The following APP variants were observed in gnomAD, a reference collection of about 807,000 sequenced individuals.
APP encodes amyloid-beta precursor protein.
In APP, 31 loss-of-function variants were observed where a neutral mutation model predicts 101.4. That is an observed-to-expected ratio of 0.31 (90% CI 0.23 to 0.41). APP has a LOEUF of 0.41. Among genes scored for constraint, APP ranks in the 10% least tolerant of loss-of-function variants. APP has a pLI of 1.00. For synonymous variants in APP, 366 were observed against 364.4 expected (o/e 1.00, Z -0.05); for missense variants, 839 against 1,003.7 (o/e 0.84, Z 2.22).
rs774041188 is a variant in APP at position 25,911,682 on chromosome 21, C to T, written c.1909+59G>A. ...AAGATAACTCTCTCTCTTGCACACA[C>T]GTTATGTATGTGTATATATACCTCC... On this transcript the variant is annotated intron_variant, in intron 14 of 17. Transcript: ENST00000346798. 28 of 1,456,160 alleles carry T rather than the reference C, an allele frequency of 1.9e-5. No homozygotes were observed. Among genetic ancestry groups the T allele is most frequent in the South Asian group, 8.1e-5 (7 of 86,062 alleles). The allele number at this position is 1,456,160 out of a possible 1,614,324, so 90.2% of individuals were successfully genotyped here.
At chr21:26,156,671 T>C (rs1293784824) in intron 1 of APP, among the ~76,000 whole-genome samples, 2 of 152,204 alleles carry the variant, frequency 1.3e-5, no homozygotes, top group Non-Finnish European at 2.9e-5. Flanking sequence ...TTCAGATGTA[T>C]GAAAGCAGAA....
intron 11 of APP, among the ~76,000 whole-genome samples, chr21:25,958,975 T>C (rs1256080964): frequency 6.3e-3 from 1 of 160 alleles, no homozygotes; most frequent in Admixed American, 0.083. Flanking sequence ...ATAGGCTACA[T>C]CCCTGGCCCA....
intron 3 of APP, among the ~76,000 whole-genome samples, chr21:26,078,856 C>T (rs754242806): frequency 6.6e-6 from 1 of 152,076 alleles, no homozygotes; most frequent in Admixed American, 6.6e-5. Flanking sequence ...CCAGCCTGAC[C>T]AACACGGAGA....
chr21:25,915,061 G>A (rs550863141), intron 13 of APP, among the ~76,000 whole-genome samples: 20 of 152,208 alleles, frequency 1.3e-4, no homozygotes, highest in African/African-American at 4.3e-4. Context: ...ATTTTCTACC[G>A]AATTAATTCC....
chr21:25,921,079 C>G (rs111291450), intron 13 of APP, among the ~76,000 whole-genome samples: 6 of 140,056 alleles, frequency 4.3e-5, no homozygotes, highest in African/African-American at 1.1e-4. Flanking sequence ...TAATCTCACT[C>G]AAAGCCGCTC....
chr21:25,897,176 G>C (rs1050831141), intron 16 of APP, among the ~76,000 whole-genome samples: 1 of 151,044 alleles, frequency 6.6e-6, no homozygotes, highest in Non-Finnish European at 1.5e-5. Flanking sequence ...GCCTAGGCAC[G>C]ATCTCAGCTC....
intron 8 of APP, among the ~76,000 whole-genome samples, chr21:25,988,043 G>A (rs1247859809): frequency 6.6e-6 from 1 of 152,136 alleles, no homozygotes; most frequent in African/African-American, 2.4e-5. Context: ...GGGGAGAGGG[G>A]AAAGGTAGAC....
intron 17 of APP, among the ~76,000 whole-genome samples, chr21:25,889,621 A>G (rs1470118274): frequency 6.6e-6 from 1 of 152,214 alleles, no homozygotes; most frequent in Non-Finnish European, 1.5e-5. Context: ...AGGGCGGATC[A>G]CTTGAGGCCA....
intron 6 of APP, among the ~76,000 whole-genome samples, chr21:26,013,811 T>C (rs2043927737): frequency 6.6e-6 from 1 of 152,160 alleles, no homozygotes; most frequent in Admixed American, 6.5e-5. Flanking sequence ...ATTATCTGAG[T>C]GGGCTTTCTA....
At chr21:25,929,116 ACTGGCTGCCTGG>A (rs1300749563) in intron 13 of APP, 1 of 152,158 alleles carries the variant, frequency 6.6e-6, no homozygotes, top group African/African-American at 2.4e-5. Flanking sequence ...TGGAGGAAAA[ACTGGCTGCCTGG>A]CTGGTTGAGA....
At chr21:25,933,512 GCTT>G in intron 13 of APP, among the ~76,000 whole-genome samples, 1 of 152,280 alleles carries the variant, frequency 6.6e-6, no homozygotes, top group Middle Eastern at 3.4e-3. Context: ...ACTAGGTCTT[GCTT>G]CTTCTATCAA....
intron 5 of APP, among the ~76,000 whole-genome samples, chr21:26,026,314 C>A (rs1368220865): frequency 3.3e-5 from 5 of 152,330 alleles, no homozygotes; most frequent in African/African-American, 1.2e-4. Flanking sequence ...AGGGAACCAT[C>A]TGAAAATGCT....
chr21:25,998,158 C>T (rs1392547279), intron 7 of APP, among the ~76,000 whole-genome samples: 1 of 152,086 alleles, frequency 6.6e-6, no homozygotes, highest in Non-Finnish European at 1.5e-5. Flanking sequence ...CATGATATTT[C>T]AGAAAATGAA....
chr21:26,043,833 TGA>T, intron 5 of APP, among the ~76,000 whole-genome samples: 1 of 122 alleles, frequency 8.2e-3, no homozygotes, highest in South Asian at 0.17. Flanking sequence ...ACTTGTGGGC[TGA>T]TATTCTCACT....
At chr21:26,023,876 C>G (rs1337898281) in intron 5 of APP, among the ~76,000 whole-genome samples, 1 of 152,124 alleles carries the variant, frequency 6.6e-6, no homozygotes, top group Non-Finnish European at 1.5e-5. Context: ...CTGCAATATG[C>G]TGAGAATAAT....
intron 2 of APP, among the ~76,000 whole-genome samples, chr21:26,105,419 T>C (rs999932883): frequency 6.6e-6 from 1 of 152,046 alleles, no homozygotes; most frequent in African/African-American, 2.4e-5. Context: ...ATACAACTTA[T>C]AAAACCTGTG....
At chr21:26,022,268 A>C (rs1879270100) in intron 5 of APP, among the ~76,000 whole-genome samples, 1 of 152,294 alleles carries the variant, frequency 6.6e-6, no homozygotes, top group South Asian at 2.1e-4. Flanking sequence ...CCATGAGTCT[A>C]ACCACAGGAC....
At chr21:26,027,485 G>C (rs939516501) in intron 5 of APP, among the ~76,000 whole-genome samples, 1 of 152,188 alleles carries the variant, frequency 6.6e-6, no homozygotes, top group Non-Finnish European at 1.5e-5. Context: ...AAATGTTTCC[G>C]GGGAGGGAGG....
chr21:26,128,716 G>A (rs1395434015), intron 1 of APP, among the ~76,000 whole-genome samples: 1 of 151,554 alleles, frequency 6.6e-6, no homozygotes, highest in Non-Finnish European at 1.5e-5. Context: ...GATACTGGAG[G>A]CTTTTGAAAA....
Sources: gnomAD v4.1 joint callset for allele counts (sites outside exome capture counted in the v4.1 genomes callset) on GRCh38, gnomAD v4.1.1 for gene constraint, MANE v1.5 for transcripts, NCBI Gene and HGNC (gene_info 2026-07-23, HGNC 2026-07-21) for gene names.